CNGB3: variants seen among roughly 807,000 people sequenced by gnomAD.
CNGB3 encodes the protein cyclic nucleotide-gated channel beta-3.
A neutral mutation model predicts 92.8 loss-of-function variants in CNGB3; 86 were observed. The ratio of observed to expected loss-of-function variants is 0.93; its 90% CI spans 0.78 to 1.11. CNGB3 has a LOEUF of 1.11. Ranked by LOEUF, CNGB3 falls within the 50% of genes least tolerant of loss-of-function variation. The pLI is 0.00. For synonymous variants in CNGB3, 333 were observed against 332.7 expected, an observed-to-expected ratio of 1.00 and a Z score of -0.01; for missense variants, 1,026 against 956.8, an observed-to-expected ratio of 1.07 and a Z score of -0.95.
intron 3 of CNGB3, among the ~76,000 whole-genome samples, chr8:86,719,779 C>T (rs1037652263): frequency 6.6e-6 from 1 of 152,012 alleles, no homozygotes; most frequent in Non-Finnish European, 1.5e-5. Context: ...AAACAGCATG[C>T]TACTGGTATA....
At chr8:86,660,406 C>T (rs1823614589) in intron 6 of CNGB3, 1 of 459,264 alleles carries the variant, frequency 2.2e-6, no homozygotes, top group African/African-American at 2.0e-5. Context: ...GAGAGTTAAC[C>T]AGGGCCACAC....
In CNGB3 at chr8:86,668,086, G is replaced by A; in HGVS notation, c.576C>T (p.Val192=). ...AGTACTCTGTTAAAGGCATCTTTTT[G>A]ACTTTGAACCACAACAGCCTGTAGT... The part of the protein sequence containing the change: ...EHYYRLLWFK[V]KKMPLTEYLK... Residue 192 remains valine, a synonymous_variant, in exon 5 of 18, where the codon GTC becomes GTT. Transcript: ENST00000320005. 1 of 1,613,454 alleles carries A rather than the reference G, an allele frequency of 6.2e-7. No individual in the cohort carries two copies. The highest frequency in any genetic ancestry group is 2.2e-5 in the East Asian group (1 of 44,836).
At chr8:86,664,696 G>A (rs1157134208) in intron 6 of CNGB3, among the ~76,000 whole-genome samples, 1 of 152,314 alleles carries the variant, frequency 6.6e-6, no homozygotes, top group Non-Finnish European at 1.5e-5. Flanking sequence ...GAAGGGCACT[G>A]CATTTGATCA....
rs759412627 is a variant in CNGB3, at chr8:86,670,930, G to A, written c.493+14C>T. 1.5e-5 allele frequency: 24 copies of A among 1,611,970 alleles called. No individual in the cohort carries two copies. Among genetic ancestry groups the A allele is most frequent in the Middle Eastern group, 2.2e-4 (1 of 4,528 alleles). On this transcript the variant is annotated intron_variant, in intron 4 of 17. Transcript: ENST00000320005. ...ACTTCTTTCTTCCCAGTACTTGGAG[G>A]GAGCAATGCTTACCAGTTTGTGGGC...
chr8:86,600,135 G>T (rs548370506), intron 15 of CNGB3, among the ~76,000 whole-genome samples: 1 of 152,286 alleles, frequency 6.6e-6, no homozygotes, highest in South Asian at 2.1e-4. Context: ...GGTGGATTTT[G>T]CCCGATAAAC....
intron 8 of CNGB3, 77 bp downstream of exon 8, chr8:86,647,724 G>A (rs1451031365): frequency 2.3e-6 from 2 of 857,042 alleles, no homozygotes; most frequent in African/African-American, 1.7e-5. Flanking sequence ...ACTTTAAATT[G>A]TTTCAAGATT....
intron 3 of CNGB3, among the ~76,000 whole-genome samples, chr8:86,712,086 T>C (rs1824761518): frequency 6.6e-6 from 1 of 151,948 alleles, no homozygotes. Context: ...ATTGTGGTAG[T>C]AACGGATGAA....
At chr8:86,739,571 A>G in intron 2 of CNGB3, 84 bp downstream of exon 2, 1 of 1,576,562 alleles carries the variant, frequency 6.3e-7, no homozygotes, top group Non-Finnish European at 8.6e-7. Flanking sequence ...TCAAGGACAA[A>G]TATTTCATCA....
chr8:86,689,746 G>C (rs2131635838), intron 3 of CNGB3, among the ~76,000 whole-genome samples: 1 of 147,622 alleles, frequency 6.8e-6, no homozygotes, highest in East Asian at 2.1e-4. Flanking sequence ...GGTGTGTGAT[G>C]TTCCCCTTCC....
At position 86,606,150 on chromosome 8, in the gene CNGB3, T is replaced by G. The variant is rs1585965355; in HGVS notation, c.1663-1939A>C. On this transcript the variant is annotated intron_variant, in intron 14 of 17. Transcript: ENST00000320005. ...TAAATTAAAATTTTGGGGTTGGTTT[T>G]TTTTTTTTTTTTTTTTTGAGACAGG... 2.9e-5 allele frequency among the ~76,000 whole-genome samples: 4 copies of G among 139,796 alleles called. No homozygotes were observed. In the East Asian group the frequency reaches 5.9e-4, roughly 21 times the overall value. The allele number at this position is 139,796 out of a possible 152,430, so 91.7% of individuals were successfully genotyped here.
intron 7 of CNGB3, among the ~76,000 whole-genome samples, chr8:86,650,369 G>A (rs544288202): frequency 6.6e-6 from 1 of 151,514 alleles, no homozygotes; most frequent in Admixed American, 6.6e-5. Context: ...ATCTGATCCA[G>A]CAATCCCACT....
chr8:86,677,471 G>A (rs983751312), intron 3 of CNGB3, among the ~76,000 whole-genome samples: 3 of 152,166 alleles, frequency 2.0e-5, no homozygotes, highest in East Asian at 1.9e-4. Flanking sequence ...GGAGGACTGC[G>A]TGGTAGATAT....
In CNGB3 at chr8:86,643,677, C is replaced by G. The variant is rs567331168; in HGVS notation, c.1178+74G>C. 4.8e-5 allele frequency: 72 copies of G among 1,509,114 alleles called. No individual in the cohort carries two copies. The African/African-American group carries it at 8.9e-4, about 19-fold the overall frequency. The allele number at this position is 1,509,114 out of a possible 1,614,324, so 93.5% of individuals were successfully genotyped here. A position where few individuals can be genotyped will look rare whatever the true frequency, so the allele number is the denominator to read the frequency against. ...GTTATGACAGCTTCAAAAACACTGG[C>G]TCTCATAAATTCATACAATGAAACA... On this transcript the variant is annotated intron_variant, in intron 10 of 17. Transcript: ENST00000320005.
intron 13 of CNGB3, among the ~76,000 whole-genome samples, chr8:86,613,309 G>T (rs1822555322): frequency 1.3e-5 from 2 of 152,178 alleles, no homozygotes; most frequent in South Asian, 2.1e-4. Context: ...TTTCTAAAAG[G>T]CATGGTTCTT....
At chr8:86,645,493 C>A (rs1282973512) in intron 8 of CNGB3, among the ~76,000 whole-genome samples, 2 of 151,136 alleles carry the variant, frequency 1.3e-5, no homozygotes. Flanking sequence ...AGAAAAGATG[C>A]CCCCCAAAAG....
chr8:86,736,132 C>A (rs1272082824), intron 2 of CNGB3, among the ~76,000 whole-genome samples: 1 of 152,136 alleles, frequency 6.6e-6, no homozygotes, highest in Non-Finnish European at 1.5e-5. Flanking sequence ...CCATGTTCTG[C>A]AGAAGATAAG....
intron 13 of CNGB3, among the ~76,000 whole-genome samples, chr8:86,619,315 A>G (rs1310673411): frequency 6.6e-6 from 1 of 152,216 alleles, no homozygotes; most frequent in Non-Finnish European, 1.5e-5. Context: ...ATAATAAATC[A>G]TCAGAAATGA....
intron 3 of CNGB3, among the ~76,000 whole-genome samples, chr8:86,692,007 A>G (rs983562724): frequency 1.3e-5 from 2 of 152,178 alleles, no homozygotes; most frequent in African/African-American, 2.4e-5. Context: ...GGAACAGGTG[A>G]TTTAATTTTC....
intron 1 of CNGB3, 98 bp from the exon 2 acceptor site, chr8:86,739,834 A>G: frequency 7.4e-7 from 1 of 1,348,152 alleles, no homozygotes; most frequent in Non-Finnish European, 1.0e-6. Context: ...TGTCAATCAG[A>G]TCATTAAAAT....
Sources: gnomAD v4.1 joint callset for allele counts (sites outside exome capture counted in the v4.1 genomes callset) on GRCh38, gnomAD v4.1.1 for gene constraint, MANE v1.5 for transcripts, NCBI Gene and HGNC (gene_info 2026-07-23, HGNC 2026-07-21) for gene names.